Variants in ACSF3 observed in about 807,000 individuals in gnomAD.
ACSF3 encodes malonate--CoA ligase ACSF3, mitochondrial.
In ACSF3, 78 loss-of-function variants were observed where a neutral mutation model predicts 53.2. The observed-to-expected ratio is 1.47, with a 90% CI of 1.22 to 1.77. The LOEUF is 1.77. Ranked by LOEUF, ACSF3 falls within the 40% of genes most tolerant of loss-of-function variation. The pLI is 0.00. For missense variants in ACSF3, 937 were observed against 771.1 expected (o/e 1.22, Z -2.55); for synonymous variants, 414 against 333.1 (o/e 1.24, Z -2.65).
chr16:89,133,667 C>T (rs1909813236), intron 8 of ACSF3, among the ~76,000 whole-genome samples: 1 of 152,256 alleles, frequency 6.6e-6, no homozygotes, highest in South Asian at 2.1e-4. Context: ...TACCCAGAGA[C>T]CTCACCACCC....
At chr16:89,096,064 C>T (rs772332000) in intron 1 of ACSF3, among the ~76,000 whole-genome samples, 61 of 152,226 alleles carry the variant, frequency 4.0e-4, no homozygotes, top group Non-Finnish European at 7.2e-4. Flanking sequence ...CTGCCTCCCT[C>T]CCCGAGGGCT....
chr16:89,138,938 A>C (rs1911165072), intron 8 of ACSF3, among the ~76,000 whole-genome samples: 1 of 152,242 alleles, frequency 6.6e-6, no homozygotes, highest in Admixed American at 6.5e-5. Context: ...TGAGAAGAAG[A>C]ATCACAGCCG....
intron 10 of ACSF3, among the ~76,000 whole-genome samples, chr16:89,146,936 G>T (rs1182064083): frequency 6.6e-6 from 1 of 152,142 alleles, no homozygotes; most frequent in African/African-American, 2.4e-5. Context: ...GCCAGGCTGA[G>T]CTCAGAAAGG....
At chr16:89,153,956 T>A (rs918801704) in intron 10 of ACSF3, 134 bp from the exon 11 acceptor site, 5 of 868,170 alleles carry the variant, frequency 5.8e-6, no homozygotes, top group Non-Finnish European at 9.2e-6. Context: ...TGCACCTGCC[T>A]GGCCTCAGGA....
At chr16:89,150,794 C>T (rs912416487) in intron 10 of ACSF3, 73 of 370,844 alleles carry the variant, frequency 2.0e-4, no homozygotes, top group African/African-American at 1.4e-3. Context: ...GTACCTGGCC[C>T]ACAGCTACCT....
At chr16:89,140,643 C>A (rs1004825090) in intron 8 of ACSF3, among the ~76,000 whole-genome samples, 1 of 152,220 alleles carries the variant, frequency 6.6e-6, no homozygotes, top group African/African-American at 2.4e-5. Context: ...GGAACCACAT[C>A]TGCACAGCAG....
In ACSF3 at chr16:89,103,925, C is replaced by G. The variant is rs192068723; in HGVS notation, c.822+1166C>G. ...TGTGCAGGGCTGTCTCCAGGCAGAT[C>G]AGGGATGCTGCTTTGGAGGGAAAGG... On this transcript the variant is annotated intron_variant, in intron 4 of 10. Coordinates refer to ENST00000614302, the MANE Select transcript of ACSF3 (RefSeq NM_001243279.3). 3.8e-3 allele frequency among the ~76,000 whole-genome samples: 579 copies of G among 152,354 alleles called. 21 individuals are homozygous for G. The highest frequency in any genetic ancestry group is 0.035 in the Admixed American group (536 of 15,308).
chr16:89,133,558 G>T (rs534679373), intron 8 of ACSF3, among the ~76,000 whole-genome samples: 1 of 152,162 alleles, frequency 6.6e-6, no homozygotes, highest in African/African-American at 2.4e-5. Context: ...CGGCACGCAC[G>T]CACCCTGACC....
At position 89,124,956 on chromosome 16, in the gene ACSF3, G is replaced by A. The variant is rs144535395; in HGVS notation, c.1239+4043G>A. ...CTACCGACACCACATTATCTTGACT[G>A]TTGTGGTTTTATAGTAGGTCTTAAC... On this transcript the variant is annotated intron_variant, in intron 7 of 10. Transcript: ENST00000614302. Among the ~76,000 whole-genome samples the A allele has an allele frequency of 9.2e-5, 14 of 152,348 alleles. No individual in the cohort carries two copies. The East Asian group carries it at 2.7e-3, about 29-fold the overall frequency.
Position 89,100,722 on chromosome 16 carries a change from G to T in ACSF3, c.41G>T (p.Cys14Phe). 1 of 1,602,938 alleles carries T rather than the reference G, an allele frequency of 6.2e-7. No homozygotes were observed. The highest frequency in any genetic ancestry group is 8.5e-7 in the Non-Finnish European group (1 of 1,179,592). The change falls in exon 3 of 11, where the codon TGC (cysteine) becomes TTC (phenylalanine). Residue 14 changes from cysteine to phenylalanine, a missense_variant. Coordinates refer to ENST00000614302, the MANE Select transcript of ACSF3 (RefSeq NM_001243279.3). ...HVVLTFRRLG[C>F]ALASCRLAPA... ...GTGCTCACCTTCCGGCGCCTGGGCT[G>T]CGCCTTGGCGTCCTGCCGGCTGGCG...
intron 10 of ACSF3, 98 bp downstream of exon 10, chr16:89,146,147 G>C (rs973655316): frequency 3.6e-5 from 31 of 865,392 alleles, no homozygotes; most frequent in Non-Finnish European, 5.3e-5. Flanking sequence ...CTTAGAGGTG[G>C]AGATGAGGGA....
At chr16:89,118,414 C>G (rs1222637325) in intron 6 of ACSF3, among the ~76,000 whole-genome samples, 1 of 152,250 alleles carries the variant, frequency 6.6e-6, no homozygotes, top group Non-Finnish European at 1.5e-5. Flanking sequence ...AGCCATGTTT[C>G]TAGAGGGCAC....
intron 4 of ACSF3, among the ~76,000 whole-genome samples, chr16:89,107,847 C>T (rs918425260): frequency 2.0e-5 from 3 of 152,144 alleles, no homozygotes; most frequent in South Asian, 2.1e-4. Flanking sequence ...ATGTTTCATA[C>T]GCCCCCAGCC....
chr16:89,110,901 T>C (rs1273509402), intron 4 of ACSF3, among the ~76,000 whole-genome samples: 1 of 152,222 alleles, frequency 6.6e-6, no homozygotes, highest in African/African-American at 2.4e-5. Flanking sequence ...TGTCTTTGCT[T>C]TCCCGTCTGT....
At position 89,125,856 on chromosome 16, in the gene ACSF3, C is replaced by T. The variant is rs115248572; in HGVS notation, c.1239+4943C>T. Among the ~76,000 whole-genome samples, 144 of 152,284 alleles carry T rather than the reference C, an allele frequency of 9.5e-4. 2 individuals are homozygous for T. Among genetic ancestry groups the T allele is most frequent in the African/African-American group, 3.3e-3 (139 of 41,566 alleles). On this transcript the variant is annotated intron_variant, in intron 7 of 10. Transcript: ENST00000614302. ...GATCCGTGAACACGGTGTGTCTCTCCGTTTACTTAGATCCGTGAACACAGT... is the reference window on the plus strand; with the variant it reads ...GATCCGTGAACACGGTGTGTCTCTCTGTTTACTTAGATCCGTGAACACAGT...
chr16:89,141,926 A>G (rs12325574), intron 8 of ACSF3, among the ~76,000 whole-genome samples: 41,771 of 152,096 alleles, frequency 0.27, 6,468 homozygotes, highest in East Asian at 0.67. Flanking sequence ...ACAGGCGTCC[A>G]TCACAGAGAC....
rs1184228985 is a variant in ACSF3 at position 89,146,011 on chromosome 16, A to C, written c.1575A>C (p.Gly525=). The change falls in exon 10 of 11, where the codon GGA becomes GGC. Residue 525 remains glycine, a synonymous_variant. Coordinates refer to ENST00000614302, the MANE Select transcript of ACSF3 (RefSeq NM_001243279.3). ...RVTAVVTLRE[G]HSLSHRELKE... ...CTGCTGTGGTGACCCTCCGAGAAGG[A>C]CACTCACTGTCCCACAGGGAGCTCA... is the stretch of plus-strand genomic sequence containing the variant. The C allele has an allele frequency of 6.2e-7, 1 of 1,607,048 alleles. No homozygotes were observed. The highest frequency in any genetic ancestry group is 8.5e-7 in the Non-Finnish European group (1 of 1,176,546).
chr16:89,139,988 G>A (rs1404689525), intron 8 of ACSF3, among the ~76,000 whole-genome samples: 1 of 152,122 alleles, frequency 6.6e-6, no homozygotes, highest in Non-Finnish European at 1.5e-5. Context: ...CCAAGGTCAC[G>A]GAGCTGCCGG....
intron 8 of ACSF3, among the ~76,000 whole-genome samples, chr16:89,135,152 CA>C (rs1175137316): frequency 2.0e-5 from 3 of 148,460 alleles, no homozygotes; most frequent in Non-Finnish European, 3.0e-5. Flanking sequence ...TAATATTTTC[CA>C]AAAAAAAGAG....
Sources: gnomAD v4.1 joint callset for allele counts (sites outside exome capture counted in the v4.1 genomes callset) on GRCh38, gnomAD v4.1.1 for gene constraint, MANE v1.5 for transcripts, NCBI Gene and HGNC (gene_info 2026-07-23, HGNC 2026-07-21) for gene names.